Variants in RTL10 observed in about 807,000 individuals in gnomAD.
RTL10 encodes the protein protein Bop.
For synonymous variants in RTL10, 199 were observed against 188.4 expected (o/e 1.06, Z -0.46); for missense variants, 477 against 470.7 (o/e 1.01, Z -0.12).
intron 2 of RTL10, among the ~76,000 whole-genome samples, chr22:19,853,849 C>A (rs1938171003): frequency 6.6e-6 from 1 of 152,168 alleles, no homozygotes; most frequent in Non-Finnish European, 1.5e-5. Context: ...AAGCAGTGAC[C>A]CCGATCCAGG....
intron 2 of RTL10, among the ~76,000 whole-genome samples, chr22:19,853,260 C>CTG (rs71317158): frequency 0.15 from 22,629 of 151,944 alleles, 3,236 homozygotes; most frequent in African/African-American, 0.38. Flanking sequence ...ACCCCACTTG[C>CTG]TGTCTGCTCC....
Position 19,852,186 on chromosome 22 carries a change from G to GA in RTL10, c.75dup (p.Pro26SerfsTer23). Reference sequence around the variant, plus strand: ...GACGCCTTGTCCATCTGCTGCCATGGATGTGCGTTGGCATAATTGGCGGCT... The same window carrying GA: ...GACGCCTTGTCCATCTGCTGCCATGGAATGTGCGTTGGCATAATTGGCGGCT... On this transcript the variant is annotated frameshift_variant, in exon 3 of 3. Transcript: ENST00000328554. LOFTEE classifies it low-confidence loss of function (END_TRUNC). The GA allele has an allele frequency of 6.2e-7, 1 of 1,613,970 alleles. No homozygotes were observed. The highest frequency in any genetic ancestry group is 8.5e-7 in the Non-Finnish European group (1 of 1,180,016).
In RTL10 at chr22:19,849,256, G is replaced by A; in HGVS notation, c.*1911C>T. On this transcript the variant is annotated 3_prime_UTR_variant, in exon 3 of 3. Coordinates refer to ENST00000328554, the MANE Select transcript of RTL10 (RefSeq NM_024627.6). ...GTTGTTTTACCTACAAGGTATCTGT[G>A]CCCTGAAATAACTCACACATAAAAC... 2.0e-6 allele frequency: 2 copies of A among 984,832 alleles called. No individual in the cohort carries two copies. Among genetic ancestry groups the A allele is most frequent in the Non-Finnish European group, 2.4e-6 (2 of 829,438 alleles). 61.0% of individuals were successfully genotyped at this position (984,832 alleles called of 1,614,324 possible).
chr22:19,853,718 T>G (rs1046884327), intron 2 of RTL10, among the ~76,000 whole-genome samples: 4 of 143,494 alleles, frequency 2.8e-5, no homozygotes, highest in African/African-American at 7.6e-5. Flanking sequence ...GACCCCCCTC[T>G]GGGGGGGGGG....
At position 19,848,308 on chromosome 22, in the gene RTL10, C is replaced by A. The variant is rs1376288103; in HGVS notation, c.*2859G>T. ...CCCGTCCCTGAGCATGTCCAGCAAA[C>A]CCTGCCAGGCTCTGCAGCTCCTGAG... is the stretch of plus-strand genomic sequence containing the variant. On this transcript the variant is annotated 3_prime_UTR_variant, in exon 3 of 3. Coordinates refer to ENST00000328554, the MANE Select transcript of RTL10 (RefSeq NM_024627.6). The A allele has an allele frequency of 2.0e-6, 2 of 985,448 alleles. No individual in the cohort carries two copies. The highest frequency in any genetic ancestry group is 4.7e-5 in the South Asian group (1 of 21,284). The allele number at this position is 985,448 out of a possible 1,614,324, so 61.0% of individuals were successfully genotyped here.
rs928832773 is a variant in RTL10 at position 19,849,796 on chromosome 22, T to C, written c.*1371A>G. 7 of 985,372 alleles carry C rather than the reference T, an allele frequency of 7.1e-6. No homozygotes were observed. Among genetic ancestry groups the C allele is most frequent in the Middle Eastern group, 5.2e-4 (1 of 1,936 alleles). 61.0% of individuals were successfully genotyped at this position (985,372 alleles called of 1,614,324 possible). On this transcript the variant is annotated 3_prime_UTR_variant, in exon 3 of 3. Transcript: ENST00000328554. ...AGGTGTTGTTTTGTTGTTTTCACAATTGTAAACCTGAAAGGGACTTGAACT... is the reference window on the plus strand; with the variant it reads ...AGGTGTTGTTTTGTTGTTTTCACAACTGTAAACCTGAAAGGGACTTGAACT...
At chr22:19,853,272 G>A (rs1938152953) in intron 2 of RTL10, among the ~76,000 whole-genome samples, 1 of 151,914 alleles carries the variant, frequency 6.6e-6, no homozygotes, top group African/African-American at 2.4e-5. Context: ...GTCTGCTCCC[G>A]CCACTCCAGT....
Position 19,850,002 on chromosome 22 carries a change from C to A in RTL10, c.*1165G>T. On this transcript the variant is annotated 3_prime_UTR_variant, in exon 3 of 3. Coordinates refer to ENST00000328554, the MANE Select transcript of RTL10 (RefSeq NM_024627.6). ...GGGCCTGGGGCCTCACAGCTCTGGA[C>A]TGCTGCCTGGTCCTCACTTCACCTA... The A allele has an allele frequency of 1.0e-6, 1 of 985,698 alleles. No individual in the cohort carries two copies. The highest frequency in any genetic ancestry group is 4.7e-5 in the South Asian group (1 of 21,282). 61.1% of individuals were successfully genotyped at this position (985,698 alleles called of 1,614,324 possible).
Position 19,847,657 on chromosome 22 carries a change from C to T in RTL10, c.*3510G>A, listed in dbSNP as rs1358105304. The T allele has an allele frequency of 3.0e-6, 3 of 984,952 alleles. No homozygotes were observed. The highest frequency in any genetic ancestry group is 1.7e-5 in the African/African-American group (1 of 57,182). 61.0% of individuals were successfully genotyped at this position (984,952 alleles called of 1,614,324 possible). A position where few individuals can be genotyped will look rare whatever the true frequency, so the allele number is the denominator to read the frequency against. ...CTGGCAAGAGCCTTCATGCACCTAG[C>T]AAGTAGTCACAGCATGCATGTGCCT... On this transcript the variant is annotated 3_prime_UTR_variant, in exon 3 of 3. Coordinates refer to ENST00000328554, the MANE Select transcript of RTL10 (RefSeq NM_024627.6).
chr22:19,847,894 G>A lies in RTL10; in HGVS notation c.*3273C>T, dbSNP rs936503169. The A allele has an allele frequency of 1.7e-5, 17 of 978,010 alleles. No individual in the cohort carries two copies. The highest frequency in any genetic ancestry group is 1.7e-5 in the Non-Finnish European group (14 of 824,868). 60.6% of individuals were successfully genotyped at this position (978,010 alleles called of 1,614,324 possible). On this transcript the variant is annotated 3_prime_UTR_variant, in exon 3 of 3. Coordinates refer to ENST00000328554, the MANE Select transcript of RTL10 (RefSeq NM_024627.6). The stretch of plus-strand genomic sequence containing the variant: ...AAATCTTTAATCTGGAATATGTACT[G>A]GCATAAAGAGTGAGGCACATACATG...
At position 19,850,563 on chromosome 22, in the gene RTL10, AG is replaced by A; in HGVS notation, c.*603del. On this transcript the variant is annotated 3_prime_UTR_variant, in exon 3 of 3. Coordinates refer to ENST00000328554, the MANE Select transcript of RTL10 (RefSeq NM_024627.6). ...CTGCATCCAAACCTTCCAGCTGCCC[AG>A]AACTGCTGGTAATCCCACAGGAAAC... 1 of 1,128,784 alleles carries A rather than the reference AG, an allele frequency of 8.9e-7. No individual in the cohort carries two copies. The highest frequency in any genetic ancestry group is 1.1e-6 in the Non-Finnish European group (1 of 922,460). The allele number at this position is 1,128,784 out of a possible 1,614,324, so 69.9% of individuals were successfully genotyped here. A position where few individuals can be genotyped will look rare whatever the true frequency, so the allele number is the denominator to read the frequency against.
At chr22:19,853,711 C>T (rs1432036919) in intron 2 of RTL10, among the ~76,000 whole-genome samples, 2 of 151,352 alleles carry the variant, frequency 1.3e-5, no homozygotes, top group African/African-American at 4.9e-5. Context: ...CAGGTCTGAC[C>T]CCCCTCTGGG....
rs1238527928 is a variant in RTL10 at position 19,848,373 on chromosome 22, G to C, written c.*2794C>G. ...GTCTGCCAGTGTGTGGGGGCCAGAA[G>C]AGAAAAACAACCCAGGGGGAATGCC... On this transcript the variant is annotated 3_prime_UTR_variant, in exon 3 of 3. Transcript: ENST00000328554. The C allele has an allele frequency of 5.1e-6, 5 of 985,462 alleles. 1 individual carries two copies. In the Middle Eastern group the frequency reaches 1.6e-3, roughly 309 times the overall value. 61.0% of individuals were successfully genotyped at this position (985,462 alleles called of 1,614,324 possible). A position where few individuals can be genotyped will look rare whatever the true frequency, so the allele number is the denominator to read the frequency against.
rs543279416 is a variant in RTL10, at chr22:19,853,498, ACT to A, written c.-226+943_-226+944del. Among the ~76,000 whole-genome samples, 734 of 151,870 alleles carry A rather than the reference ACT, an allele frequency of 4.8e-3. 3 individuals are homozygous for A. The highest frequency in any genetic ancestry group is 0.014 in the Middle Eastern group (4 of 294). On this transcript the variant is annotated intron_variant, in intron 2 of 2. Coordinates refer to ENST00000328554, the MANE Select transcript of RTL10 (RefSeq NM_024627.6). ...GAGGCCCACTCACGACCTCCAGGAA[ACT>A]CTCTGCTTCACCCCACACACAAACG...
rs1937964271 is a variant in RTL10 at position 19,846,492 on chromosome 22, GT to G, written c.*4674del. The G allele has an allele frequency of 1.0e-6, 1 of 985,284 alleles. No homozygotes were observed. The highest frequency in any genetic ancestry group is 1.2e-6 in the Non-Finnish European group (1 of 829,890). The allele number at this position is 985,284 out of a possible 1,614,324, so 61.0% of individuals were successfully genotyped here. A position where few individuals can be genotyped will look rare whatever the true frequency, so the allele number is the denominator to read the frequency against. The stretch of plus-strand genomic sequence containing the variant: ...CCTGGGGGACTCTGCACACAGGCAT[GT>G]GGAGACCACAGAAGCCTGCCCAATA... On this transcript the variant is annotated 3_prime_UTR_variant, in exon 3 of 3. Coordinates refer to ENST00000328554, the MANE Select transcript of RTL10 (RefSeq NM_024627.6).
rs1245791026 is a variant in RTL10 at position 19,852,150 on chromosome 22, C to A, written c.112G>T (p.Ala38Ser). 1.2e-6 allele frequency: 2 copies of A among 1,614,130 alleles called. No individual in the cohort carries two copies. Among genetic ancestry groups the A allele is most frequent in the Non-Finnish European group, 1.7e-6 (2 of 1,180,036 alleles). The change falls in exon 3 of 3, where the codon GCA becomes TCA. Residue 38 changes from alanine to serine, a missense_variant. Ala to Ser is a moderately conservative substitution (Grantham distance 99, BLOSUM62 1). Coordinates refer to ENST00000328554, the MANE Select transcript of RTL10 (RefSeq NM_024627.6). ...QQMDKASPGV[A>S]YTPLVDPWIE... Reference sequence around the variant, plus strand: ...CAGGGATCCACAAGGGGGGTGTATGCCACCCCAGGAGACGCCTTGTCCATC... The same window carrying A: ...CAGGGATCCACAAGGGGGGTGTATGACACCCCAGGAGACGCCTTGTCCATC...
chr22:19,850,335 G>C lies in RTL10; in HGVS notation c.*832C>G. 2.0e-6 allele frequency: 2 copies of C among 984,890 alleles called. No homozygotes were observed. Among genetic ancestry groups the C allele is most frequent in the Non-Finnish European group, 1.2e-6 (1 of 829,332 alleles). The allele number at this position is 984,890 out of a possible 1,614,324, so 61.0% of individuals were successfully genotyped here. On this transcript the variant is annotated 3_prime_UTR_variant, in exon 3 of 3. Coordinates refer to ENST00000328554, the MANE Select transcript of RTL10 (RefSeq NM_024627.6). Reference sequence around the variant, plus strand: ...TGCTGAGGGTCACAGTCTGCCAGGAGGGAGATCCAAGTCATTTACACACTA... The same window carrying C: ...TGCTGAGGGTCACAGTCTGCCAGGACGGAGATCCAAGTCATTTACACACTA...
At chr22:19,853,916 C>T (rs1456800181) in intron 2 of RTL10, among the ~76,000 whole-genome samples, 4 of 152,210 alleles carry the variant, frequency 2.6e-5, no homozygotes, top group Non-Finnish European at 1.5e-5. Flanking sequence ...AATGACCACA[C>T]CCCATGCCCG....
In RTL10 at chr22:19,850,067, A is replaced by G. The variant is rs1601356626; in HGVS notation, c.*1100T>C. 4 of 971,838 alleles carry G rather than the reference A, an allele frequency of 4.1e-6. No individual in the cohort carries two copies. Among genetic ancestry groups the G allele is most frequent in the Non-Finnish European group, 4.9e-6 (4 of 820,246 alleles). The allele number at this position is 971,838 out of a possible 1,614,324, so 60.2% of individuals were successfully genotyped here. A position where few individuals can be genotyped will look rare whatever the true frequency, so the allele number is the denominator to read the frequency against. On this transcript the variant is annotated 3_prime_UTR_variant, in exon 3 of 3. Transcript: ENST00000328554. ...CAGTTCTCTACCTGCAGAGCCACCC[A>G]CCCCCTACTCAGCCCCACCCAGCTT... is the stretch of plus-strand genomic sequence containing the variant.
Sources: gnomAD v4.1 joint callset for allele counts (sites outside exome capture counted in the v4.1 genomes callset) on GRCh38, gnomAD v4.1.1 for gene constraint, MANE v1.5 for transcripts, NCBI Gene and HGNC (gene_info 2026-07-23, HGNC 2026-07-21) for gene names.